PTPRD: variants seen among roughly 807,000 people sequenced by gnomAD.
PTPRD encodes receptor-type tyrosine-protein phosphatase delta.
Under a neutral mutation model 214.5 loss-of-function variants are expected in PTPRD, and 34 were observed. The ratio of observed to expected loss-of-function variants is 0.16; its 90% CI spans 0.12 to 0.21. PTPRD has a LOEUF of 0.21. PTPRD is among the 10% of genes least tolerant of loss of function. PTPRD has a pLI of 1.00. For missense variants in PTPRD, 2,545 were observed against 2,398.7 expected, an observed-to-expected ratio of 1.06 and a Z score of -1.27; for synonymous variants, 1,128 against 845.7, an observed-to-expected ratio of 1.33 and a Z score of -5.79.
intron 11 of PTPRD, among the ~76,000 whole-genome samples, chr9:8,842,424 G>A (rs2097576746): frequency 6.6e-6 from 1 of 152,148 alleles, no homozygotes; most frequent in Admixed American, 6.5e-5. Flanking sequence ...GGGTATACAA[G>A]GGTAACATCA....
intron 10 of PTPRD, among the ~76,000 whole-genome samples, chr9:9,181,748 C>G (rs972854315): frequency 6.6e-6 from 1 of 151,898 alleles, no homozygotes; most frequent in Non-Finnish European, 1.5e-5. Flanking sequence ...TAGAATTGGT[C>G]TGTCTTGAAG....
At chr9:9,014,188 TTTGTTTG>T (rs1345329100) in intron 11 of PTPRD, among the ~76,000 whole-genome samples, 2 of 59,252 alleles carry the variant, frequency 3.4e-5, no homozygotes, top group African/African-American at 1.4e-4. Context: ...TTTTTTTTTG[TTTGTTTG>T]TTTGTTTTTT....
intron 11 of PTPRD, among the ~76,000 whole-genome samples, chr9:8,952,645 GGTA>G (rs143246426): frequency 6.6e-6 from 1 of 151,800 alleles, no homozygotes; most frequent in East Asian, 1.9e-4. Context: ...ACAGGTTGTA[GGTA>G]ACCAATCAAG....
intron 14 of PTPRD, among the ~76,000 whole-genome samples, chr9:8,583,156 G>A (rs1045860628): frequency 6.6e-5 from 10 of 152,062 alleles, no homozygotes; most frequent in East Asian, 1.9e-4. Context: ...CACAGTTTAC[G>A]ATAGGTTTTG....
At chr9:8,788,770 C>T (rs1210459493) in intron 11 of PTPRD, among the ~76,000 whole-genome samples, 1 of 152,126 alleles carries the variant, frequency 6.6e-6, no homozygotes, top group African/African-American at 2.4e-5. Context: ...TTGCTTCCAA[C>T]CCACTTCCGA....
chr9:9,718,431 G>T (rs1007657746), intron 7 of PTPRD, among the ~76,000 whole-genome samples: 2 of 152,250 alleles, frequency 1.3e-5, no homozygotes, highest in Non-Finnish European at 2.9e-5. Context: ...TGGAACTGAT[G>T]GGGGAGGGGA....
intron 44 of PTPRD, among the ~76,000 whole-genome samples, chr9:8,331,027 C>CTT (rs1265760510): frequency 6.8e-6 from 1 of 148,120 alleles, no homozygotes; most frequent in Non-Finnish European, 1.5e-5. Flanking sequence ...ACTTCAATGA[C>CTT]TTGAGTTATA....
intron 7 of PTPRD, among the ~76,000 whole-genome samples, chr9:9,636,869 T>C (rs1002916541): frequency 6.6e-6 from 1 of 152,158 alleles, no homozygotes; most frequent in African/African-American, 2.4e-5. Flanking sequence ...AAGCCTAAGA[T>C]CAATGTGCCA....
intron 11 of PTPRD, among the ~76,000 whole-genome samples, chr9:8,749,119 T>C (rs2093240879): frequency 2.6e-5 from 4 of 152,308 alleles, no homozygotes; most frequent in Admixed American, 2.0e-4. Context: ...AGTTCTATAA[T>C]TCTTTTCCTA....
intron 2 of PTPRD, among the ~76,000 whole-genome samples, chr9:10,532,914 C>A (rs2056787530): frequency 6.6e-6 from 1 of 151,838 alleles, no homozygotes; most frequent in African/African-American, 2.4e-5. Context: ...TTTGTCCCCA[C>A]CAAAACTCAT....
At chr9:9,845,263 C>A (rs980138571) in intron 5 of PTPRD, among the ~76,000 whole-genome samples, 3 of 138,312 alleles carry the variant, frequency 2.2e-5, no homozygotes, top group Non-Finnish European at 4.8e-5. Flanking sequence ...TATTTAGAAA[C>A]CTATTTCAGT....
chr9:9,368,915 C>G (rs1409433944), intron 9 of PTPRD, among the ~76,000 whole-genome samples: 3 of 151,930 alleles, frequency 2.0e-5, no homozygotes, highest in Non-Finnish European at 4.4e-5. Context: ...TCCCCACTCC[C>G]CACACCCCAC....
At chr9:9,348,071 A>T (rs894258317) in intron 9 of PTPRD, among the ~76,000 whole-genome samples, 5 of 152,164 alleles carry the variant, frequency 3.3e-5, no homozygotes, top group African/African-American at 1.2e-4. Flanking sequence ...AAGTGTGCAC[A>T]ATCAAGCTAG....
intron 21 of PTPRD, among the ~76,000 whole-genome samples, chr9:8,516,830 G>C (rs938036452): frequency 1.4e-5 from 2 of 139,542 alleles, no homozygotes; most frequent in African/African-American, 5.5e-5. Context: ...TTTTGAGATG[G>C]AGTCTTGCTG....
intron 4 of PTPRD, among the ~76,000 whole-genome samples, chr9:9,956,263 C>A (rs1172690347): frequency 1.4e-5 from 2 of 147,450 alleles, no homozygotes; most frequent in African/African-American, 2.5e-5. Flanking sequence ...TACCTCAGCC[C>A]TGATTAAAGT....
intron 12 of PTPRD, among the ~76,000 whole-genome samples, chr9:8,658,854 T>C (rs964503826): frequency 3.9e-5 from 6 of 152,108 alleles, no homozygotes; most frequent in Non-Finnish European, 8.8e-5. Flanking sequence ...ATCCCTGATA[T>C]ATAAAATGAC....
At chr9:8,374,918 CT>C (rs1262496464) in intron 39 of PTPRD, among the ~76,000 whole-genome samples, 2 of 151,760 alleles carry the variant, frequency 1.3e-5, no homozygotes, top group Non-Finnish European at 2.9e-5. Context: ...AAACTAGCTC[CT>C]TTTCTAGGGT....
At chr9:9,388,770 A>G (rs577588956) in intron 9 of PTPRD, among the ~76,000 whole-genome samples, 1 of 152,324 alleles carries the variant, frequency 6.6e-6, no homozygotes, top group East Asian at 1.9e-4. Flanking sequence ...GCATATGTAT[A>G]CTAATGCATT....
At chr9:8,366,231 T>C (rs10976999) in intron 39 of PTPRD, among the ~76,000 whole-genome samples, 11,982 of 152,244 alleles carry the variant, frequency 0.079, 503 homozygotes, top group Middle Eastern at 0.11. Context: ...TGTTTACCAT[T>C]GGAATGGAAG....
Sources: gnomAD v4.1 joint callset for allele counts (sites outside exome capture counted in the v4.1 genomes callset) on GRCh38, gnomAD v4.1.1 for gene constraint, MANE v1.5 for transcripts, NCBI Gene and HGNC (gene_info 2026-07-23, HGNC 2026-07-21) for gene names.